Variants in FAM53A observed in about 807,000 individuals in gnomAD.
FAM53A encodes the protein protein FAM53A.
A neutral mutation model predicts 26.6 loss-of-function variants in FAM53A; 28 were observed. The ratio of observed to expected loss-of-function variants is 1.05; its 90% CI spans 0.78 to 1.45. FAM53A has a LOEUF of 1.45. Among genes scored for constraint, FAM53A ranks in the 40% most tolerant of loss-of-function variants. The probability of loss-of-function intolerance (pLI) is 0.00; values close to 1 mark genes in which losing one functional copy is unlikely to be tolerated. For missense variants in FAM53A, 650 were observed against 575.8 expected (o/e 1.13, Z -1.32); for synonymous variants, 290 against 253.1 (o/e 1.15, Z -1.38).
At chr4:1,651,352 T>TA (rs1712764572) in intron 4 of FAM53A, among the ~76,000 whole-genome samples, 1 of 151,070 alleles carries the variant, frequency 6.6e-6, no homozygotes, top group African/African-American at 2.4e-5. Flanking sequence ...GACAACATGG[T>TA]AAAATCCTAT....
chr4:1,677,457 G>A (rs1715121452), intron 1 of FAM53A, among the ~76,000 whole-genome samples: 1 of 152,198 alleles, frequency 6.6e-6, no homozygotes, highest in Non-Finnish European at 1.5e-5. Context: ...TTCTCCAAAT[G>A]CCCATGTCGG....
the FAM53A span, among the ~76,000 whole-genome samples, chr4:1,584,887 A>G: frequency 6.6e-6 from 1 of 152,266 alleles, no homozygotes. Context: ...CACAAGGGCC[A>G]ATCCAGAGTT....
the FAM53A span, among the ~76,000 whole-genome samples, chr4:1,586,921 T>C: frequency 6.6e-6 from 1 of 152,250 alleles, no homozygotes; most frequent in African/African-American, 2.4e-5. Context: ...ATCTTTTTGA[T>C]AGTAGCTGTT....
At chr4:1,607,863 C>T in the FAM53A span, among the ~76,000 whole-genome samples, 101 of 151,824 alleles carry the variant, frequency 6.7e-4, 2 homozygotes, top group East Asian at 7.2e-3. Context: ...TCACTTGAAC[C>T]GAGGAGGCAG....
intron 3 of FAM53A, among the ~76,000 whole-genome samples, chr4:1,656,478 T>G (rs1713391855): frequency 6.6e-6 from 1 of 151,866 alleles, no homozygotes; most frequent in Admixed American, 6.6e-5. Flanking sequence ...GGGATGACCT[T>G]GGGGTGACTG....
intron 1 of FAM53A, among the ~76,000 whole-genome samples, chr4:1,634,317 C>G (rs1477853420): frequency 6.6e-6 from 1 of 152,114 alleles, no homozygotes; most frequent in Non-Finnish European, 1.5e-5. Context: ...ACCCTCTGAG[C>G]TCCATCCCTG....
intron 1 of FAM53A, among the ~76,000 whole-genome samples, chr4:1,634,404 T>C (rs1715747186): frequency 6.6e-6 from 1 of 152,120 alleles, no homozygotes; most frequent in African/African-American, 2.4e-5. Context: ...TGAGGTCTAA[T>C]ACAGCTCTCA....
At position 1,655,361 on chromosome 4, in the gene FAM53A, C is replaced by T. The variant is rs749267709; in HGVS notation, c.499G>A (p.Ala167Thr). The T allele has an allele frequency of 2.5e-5, 36 of 1,440,258 alleles. No individual in the cohort carries two copies. The African/African-American group carries it at 3.0e-4, about 12-fold the overall frequency. 89.2% of individuals were successfully genotyped at this position (1,440,258 alleles called of 1,614,324 possible). A position where few individuals can be genotyped will look rare whatever the true frequency, so the allele number is the denominator to read the frequency against. Residue 167 changes from alanine to threonine, a missense_variant, in exon 4 of 5, where the codon GCC becomes ACC. Coordinates refer to ENST00000308132, the MANE Select transcript of FAM53A (RefSeq NM_001174070.3). ...CACACAGCACTCCTCGGCAGGACGGCGCCGGGGCTTCCCTGCCGCGTGGCA... is the reference window on the plus strand; with the variant it reads ...CACACAGCACTCCTCGGCAGGACGGTGCCGGGGCTTCCCTGCCGCGTGGCA... ...GSATRQGSPG[A>T]VLPRSAVWST...
In FAM53A at chr4:1,659,110, C is replaced by CTA. The variant is rs968343263; in HGVS notation, c.76-1644_76-1643dup. 1.3e-5 allele frequency among the ~76,000 whole-genome samples: 2 copies of CTA among 152,256 alleles called. No homozygotes were observed. Among genetic ancestry groups the CTA allele is most frequent in the African/African-American group, 4.8e-5 (2 of 41,458 alleles). On this transcript the variant is annotated intron_variant, in intron 2 of 4. Transcript: ENST00000308132. The surrounding 1 kb of genome is among the most constrained non-coding windows in gnomAD (Gnocchi z 5.2). ...GTGACCCCGAAAAAAGACAGGCCGC[C>CTA]TACACACGGGGTCCCACCTCAGCCA... is the stretch of plus-strand genomic sequence containing the variant.
chr4:1,624,415 G>A (rs778547477), intron 1 of FAM53A, among the ~76,000 whole-genome samples: 21 of 152,192 alleles, frequency 1.4e-4, no homozygotes, highest in Non-Finnish European at 1.5e-5. Context: ...AAAGCGCCGT[G>A]ACCCCCCGAA....
At chr4:1,681,101 C>T (rs926137269) in intron 1 of FAM53A, among the ~76,000 whole-genome samples, 8 of 151,896 alleles carry the variant, frequency 5.3e-5, no homozygotes, top group Admixed American at 6.6e-5. Context: ...TCTAGCAACT[C>T]GATTTTTTTT....
chr4:1,629,087 G>T (rs369451094), intron 1 of FAM53A, among the ~76,000 whole-genome samples: 1 of 151,980 alleles, frequency 6.6e-6, no homozygotes, highest in Non-Finnish European at 1.5e-5. Context: ...TGCGTTGGGG[G>T]ACAGCACCTC....
At chr4:1,615,447 C>T (rs1218433800), downstream of FAM53A, among the ~76,000 whole-genome samples, 1 of 146,922 alleles carries the variant, frequency 6.8e-6, no homozygotes, top group Non-Finnish European at 1.5e-5. Context: ...CCACACCCAC[C>T]CTACGTGGGC....
chr4:1,595,686 C>T, the FAM53A span, among the ~76,000 whole-genome samples: 61 of 152,356 alleles, frequency 4.0e-4, no homozygotes, highest in African/African-American at 1.2e-3. Context: ...CCGCGGGAAG[C>T]GCCAGCACAC....
At chr4:1,675,790 G>A (rs1715001783) in intron 1 of FAM53A, among the ~76,000 whole-genome samples, 1 of 152,038 alleles carries the variant, frequency 6.6e-6, no homozygotes, top group African/African-American at 2.4e-5. Context: ...CCTCACCCTG[G>A]TCCTCCAACT....
At chr4:1,635,589 A>G (rs1212589749), downstream of FAM53A, among the ~76,000 whole-genome samples, 4 of 151,892 alleles carry the variant, frequency 2.6e-5, no homozygotes, top group East Asian at 5.8e-4. Flanking sequence ...TTTCACTCCT[A>G]TTTCTTCTAA....
chr4:1,654,272 G>A (rs1243111152), intron 4 of FAM53A, among the ~76,000 whole-genome samples: 7 of 152,170 alleles, frequency 4.6e-5, no homozygotes, highest in East Asian at 1.9e-4. Flanking sequence ...CTCCCCGAGC[G>A]CTGCCGGGCC....
intron 4 of FAM53A, among the ~76,000 whole-genome samples, chr4:1,651,051 T>C (rs1712737010): frequency 6.7e-6 from 1 of 148,916 alleles, no homozygotes; most frequent in Non-Finnish European, 1.5e-5. Flanking sequence ...ACCCCGTCTG[T>C]ACTAAAAATA....
chr4:1,579,146 C>T, the FAM53A span, among the ~76,000 whole-genome samples: 4 of 151,550 alleles, frequency 2.6e-5, no homozygotes, highest in South Asian at 8.3e-4. Context: ...GAGGCGGCTG[C>T]GCCTCCAGGG....
Sources: allele counts gnomAD v4.1 joint callset (sites outside exome capture counted in the v4.1 genomes callset), GRCh38; gene constraint gnomAD v4.1.1; non-coding constraint Gnocchi (gnomAD v3.1); transcripts MANE v1.5; gene names NCBI Gene and HGNC (gene_info 2026-07-23, HGNC 2026-07-21).